The following SLC2A13 variants were observed in gnomAD, a reference collection of about 807,000 sequenced individuals.
The protein encoded by SLC2A13 is solute carrier family 2 member 13.
SLC2A13 carries 32 observed loss-of-function variants against 64.4 expected under a neutral mutation model. That is an observed-to-expected ratio of 0.50 (90% CI 0.37 to 0.67). The LOEUF (loss-of-function observed/expected upper bound fraction) is 0.67. SLC2A13 is among the 30% of genes least tolerant of loss of function. SLC2A13 has a pLI of 0.00. For missense variants in SLC2A13, 743 were observed against 829.2 expected (o/e 0.90, Z 1.28); for synonymous variants, 338 against 327.1 (o/e 1.03, Z -0.36).
At chr12:39,795,962 C>T (rs1345851492) in intron 7 of SLC2A13, among the ~76,000 whole-genome samples, 2 of 151,998 alleles carry the variant, frequency 1.3e-5, no homozygotes, top group African/African-American at 4.8e-5. Flanking sequence ...AGTTGTGTAG[C>T]CATCATCACT....
chr12:39,886,668 G>T (rs989770304), intron 4 of SLC2A13, among the ~76,000 whole-genome samples: 2 of 152,156 alleles, frequency 1.3e-5, no homozygotes, highest in African/African-American at 4.8e-5. Context: ...TAAGTGTGTA[G>T]AATTGGTTTT....
intron 4 of SLC2A13, among the ~76,000 whole-genome samples, chr12:39,900,941 C>G (rs974000600): frequency 6.6e-6 from 1 of 152,180 alleles, no homozygotes; most frequent in Admixed American, 6.5e-5. Flanking sequence ...TCAAACTATA[C>G]CACAAGGCAA....
chr12:40,031,175 C>T (rs10784340), intron 2 of SLC2A13, among the ~76,000 whole-genome samples: 10,200 of 152,208 alleles, frequency 0.067, 686 homozygotes, highest in East Asian at 0.39. Context: ...ACTTCAGCTC[C>T]GGGCATACAA....
intron 3 of SLC2A13, among the ~76,000 whole-genome samples, chr12:39,985,999 C>A (rs12423473): frequency 0.3 from 45,609 of 151,982 alleles, 7,175 homozygotes; most frequent in African/African-American, 0.37. Context: ...AGAAGATTCA[C>A]TGTGCGGTGA....
intron 6 of SLC2A13, among the ~76,000 whole-genome samples, chr12:39,863,849 C>A (rs944140019): frequency 7.9e-5 from 12 of 152,302 alleles, no homozygotes; most frequent in Middle Eastern, 6.8e-3. Flanking sequence ...CAACTGGATG[C>A]TCTAAATGAA....
chr12:40,063,032 T>G (rs1269529224), intron 1 of SLC2A13, among the ~76,000 whole-genome samples: 2 of 152,276 alleles, frequency 1.3e-5, no homozygotes, highest in Admixed American at 1.3e-4. Context: ...TTATCCAGCA[T>G]CTATTTTTAC....
intron 3 of SLC2A13, among the ~76,000 whole-genome samples, chr12:39,990,955 C>T (rs558490417): frequency 2.0e-5 from 3 of 152,170 alleles, no homozygotes; most frequent in Non-Finnish European, 2.9e-5. Context: ...CTCTCTCCCC[C>T]TGAAGTGTGT....
intron 4 of SLC2A13, among the ~76,000 whole-genome samples, chr12:39,913,247 T>C (rs996060383): frequency 5.3e-5 from 8 of 152,096 alleles, no homozygotes; most frequent in African/African-American, 1.9e-4. Context: ...AGATTAACTT[T>C]TACACATTGG....
chr12:40,046,260 T>C (rs1948169806), intron 2 of SLC2A13, among the ~76,000 whole-genome samples: 1 of 152,198 alleles, frequency 6.6e-6, no homozygotes, highest in Non-Finnish European at 1.5e-5. Context: ...GTCTATGATG[T>C]CTCCTTGCCT....
At chr12:39,986,210 C>T (rs557293630) in intron 3 of SLC2A13, among the ~76,000 whole-genome samples, 5 of 152,046 alleles carry the variant, frequency 3.3e-5, no homozygotes, top group South Asian at 2.1e-4. Flanking sequence ...ATGGGGTCAT[C>T]GGGAGATGGG....
chr12:39,833,383 A>C (rs1475032517), intron 6 of SLC2A13, among the ~76,000 whole-genome samples: 2 of 151,918 alleles, frequency 1.3e-5, no homozygotes, highest in African/African-American at 4.8e-5. Context: ...TCCAAGAACA[A>C]CTGCTCTGCT....
intron 7 of SLC2A13, among the ~76,000 whole-genome samples, chr12:39,789,458 A>G (rs1941301593): frequency 6.6e-6 from 1 of 152,016 alleles, no homozygotes; most frequent in African/African-American, 2.4e-5. Context: ...ACATCCCCCT[A>G]CTCATTTCCA....
intron 3 of SLC2A13, among the ~76,000 whole-genome samples, chr12:39,977,208 A>G (rs938592506): frequency 6.6e-6 from 1 of 152,190 alleles, no homozygotes; most frequent in African/African-American, 2.4e-5. Context: ...TATTAATCCC[A>G]TTGGGCAGAT....
chr12:39,908,112 T>C (rs1441545580), intron 4 of SLC2A13: 1 of 152,022 alleles, frequency 6.6e-6, no homozygotes, highest in African/African-American at 2.4e-5. Context: ...ACTTTTTCTC[T>C]TAATTTATTC....
chr12:39,798,275 CCA>C (rs1941650200), intron 7 of SLC2A13, among the ~76,000 whole-genome samples: 1 of 152,198 alleles, frequency 6.6e-6, no homozygotes, highest in Non-Finnish European at 1.5e-5. Context: ...AGAGATACCA[CCA>C]CAGAGCCTCA....
At chr12:40,025,480 C>CA (rs1190339692) in intron 3 of SLC2A13, among the ~76,000 whole-genome samples, 11 of 152,296 alleles carry the variant, frequency 7.2e-5, no homozygotes, top group African/African-American at 2.6e-4. Flanking sequence ...CGTCACAAGT[C>CA]ACAAATCCAC....
chr12:39,965,659 TA>T (rs1387051405), intron 3 of SLC2A13, among the ~76,000 whole-genome samples: 2 of 152,176 alleles, frequency 1.3e-5, no homozygotes, highest in African/African-American at 2.4e-5. Flanking sequence ...TTTATTCATG[TA>T]TTATAAAGAT....
rs940519755 is a variant in SLC2A13, at chr12:40,106,020, C to G, written c.-212G>C. ...GCGCTCCGACGCTGCGGAGTTGGAG[C>G]CCGGCGGGTCTCACTCCACACTCAC... On this transcript the variant is annotated 5_prime_UTR_variant, in exon 1 of 10. Coordinates refer to ENST00000280871, the MANE Select transcript of SLC2A13 (RefSeq NM_052885.4). 1.2e-5 allele frequency: 6 copies of G among 493,056 alleles called. No individual in the cohort carries two copies. Among genetic ancestry groups the G allele is most frequent in the Non-Finnish European group, 1.6e-5 (5 of 307,090 alleles). The allele number at this position is 493,056 out of a possible 1,614,324, so 30.5% of individuals were successfully genotyped here.
intron 4 of SLC2A13, among the ~76,000 whole-genome samples, chr12:39,900,060 C>T (rs1050692223): frequency 6.6e-6 from 1 of 152,054 alleles, no homozygotes; most frequent in African/African-American, 2.4e-5. Context: ...AAATGTAATC[C>T]AGCATATAAA....
Sources: allele counts gnomAD v4.1 joint callset (sites outside exome capture counted in the v4.1 genomes callset), GRCh38; gene constraint gnomAD v4.1.1; transcripts MANE v1.5; gene names NCBI Gene and HGNC (gene_info 2026-07-23, HGNC 2026-07-21).